Variants in RARB observed in about 807,000 individuals in gnomAD.
The protein encoded by RARB is retinoic acid receptor beta, also known as HBV-activated protein.
Under a neutral mutation model 51.9 loss-of-function variants are expected in RARB, and 17 were observed. The observed-to-expected ratio is 0.33, with a 90% confidence interval of 0.22 to 0.49. RARB has a LOEUF of 0.49. Among genes scored for constraint, RARB ranks in the 20% least tolerant of loss-of-function variants. The pLI is 0.99. For missense variants in RARB, 369 were observed against 550.8 expected (o/e 0.67, Z 3.30); for synonymous variants, 215 against 195.4 (o/e 1.10, Z -0.84).
At position 25,512,751 on chromosome 3, in the gene RARB, C is replaced by T. The variant is rs17590841; in HGVS notation, c.448+11428C>T. Reference sequence around the variant, plus strand: ...TGTGGGTCACTCTTGCCTCTCCATGCTATGAAGTGTTAGTGGCACCTCTAT... The same window carrying T: ...TGTGGGTCACTCTTGCCTCTCCATGTTATGAAGTGTTAGTGGCACCTCTAT... On this transcript the variant is annotated intron_variant, in intron 3 of 7. Transcript: ENST00000330688. Among the ~76,000 whole-genome samples, 1,260 of 152,296 alleles carry T rather than the reference C, an allele frequency of 8.3e-3. 3 individuals are homozygous for T. Among genetic ancestry groups the T allele is most frequent in the Non-Finnish European group, 0.011 (755 of 68,024 alleles).
intron 4 of RARB, among the ~76,000 whole-genome samples, chr3:25,141,737 T>C (rs959383947): frequency 2.6e-5 from 4 of 152,196 alleles, no homozygotes; most frequent in Admixed American, 6.5e-5. Context: ...CTTTCTACTT[T>C]TAGGAATCCT....
intron 5 of RARB, among the ~76,000 whole-genome samples, chr3:25,176,813 T>C (rs955507358): frequency 3.3e-5 from 5 of 152,210 alleles, no homozygotes; most frequent in Non-Finnish European, 7.3e-5. Flanking sequence ...TATTTCACAG[T>C]TACTAATAAA....
chr3:25,456,831 A>G (rs1004279799), intron 1 of RARB, among the ~76,000 whole-genome samples: 11 of 151,336 alleles, frequency 7.3e-5, no homozygotes, highest in African/African-American at 2.7e-4. Flanking sequence ...GTAGCATTCA[A>G]ATTATGTTCA....
intron 5 of RARB, among the ~76,000 whole-genome samples, chr3:25,376,696 G>A (rs1315042858): frequency 3.9e-5 from 6 of 152,132 alleles, no homozygotes; most frequent in African/African-American, 1.4e-4. Flanking sequence ...TTTCTCCCCA[G>A]GTCTACCTGT....
At chr3:25,146,240 C>G (rs1215127759) in intron 4 of RARB, among the ~76,000 whole-genome samples, 1 of 152,190 alleles carries the variant, frequency 6.6e-6, no homozygotes, top group African/African-American at 2.4e-5. Flanking sequence ...TATTTATCAA[C>G]TACTCTTGAT....
Position 24,947,917 on chromosome 3 carries a change from T to G in RARB, c.-380+89165T>G, listed in dbSNP as rs138404334. ...AGGTAGTTAAGAATAAGGCAAGGCT[T>G]GTAGTGCATGCTTAATGATGTTACC... On this transcript the variant is annotated intron_variant, in intron 2 of 11. Coordinates refer to the RARB transcript ENST00000383772. Among the ~76,000 whole-genome samples, 4 of 152,296 alleles carry G rather than the reference T, an allele frequency of 2.6e-5. No individual in the cohort carries two copies. The East Asian group carries it at 7.7e-4, about 29-fold the overall frequency.
At chr3:24,943,574 T>C (rs1242694476) in intron 2 of RARB, among the ~76,000 whole-genome samples, 1 of 152,220 alleles carries the variant, frequency 6.6e-6, no homozygotes, top group East Asian at 1.9e-4. Flanking sequence ...CTTGAGTTAG[T>C]GCTAGCAGAG....
At chr3:25,426,948 C>G (rs1394822549), upstream of RARB, among the ~76,000 whole-genome samples, 1 of 152,110 alleles carries the variant, frequency 6.6e-6, no homozygotes, top group Non-Finnish European at 1.5e-5. Flanking sequence ...AATCATTTTC[C>G]CTTAAAATTA....
At chr3:24,905,501 G>A (rs1694842336) in intron 2 of RARB, among the ~76,000 whole-genome samples, 1 of 152,194 alleles carries the variant, frequency 6.6e-6, no homozygotes, top group African/African-American at 2.4e-5. Context: ...CTCTACGGAT[G>A]TCCACATGAC....
At chr3:25,109,654 C>A (rs907724662) in intron 3 of RARB, among the ~76,000 whole-genome samples, 1 of 152,174 alleles carries the variant, frequency 6.6e-6, no homozygotes, top group African/African-American at 2.4e-5. Flanking sequence ...AGCTGGACAC[C>A]TATTGACTCT....
chr3:25,375,594 G>A (rs1706436674), intron 5 of RARB, among the ~76,000 whole-genome samples: 1 of 152,100 alleles, frequency 6.6e-6, no homozygotes, highest in South Asian at 2.1e-4. Context: ...AATATATATA[G>A]GTCAAACAGT....
intron 2 of RARB, among the ~76,000 whole-genome samples, chr3:24,913,109 C>T (rs1236544936): frequency 3.3e-5 from 5 of 150,346 alleles, no homozygotes; most frequent in South Asian, 2.1e-4. Context: ...GCCTCCTGAG[C>T]AGCTAGGACT....
At chr3:25,029,937 A>G (rs992608662) in intron 2 of RARB, among the ~76,000 whole-genome samples, 61 of 152,204 alleles carry the variant, frequency 4.0e-4, no homozygotes, top group African/African-American at 1.4e-3. Context: ...TGTATGAGAC[A>G]GGGCCACTGA....
intron 5 of RARB, among the ~76,000 whole-genome samples, chr3:25,383,425 G>A (rs1443610121): frequency 1.3e-5 from 2 of 152,160 alleles, no homozygotes; most frequent in Non-Finnish European, 2.9e-5. Flanking sequence ...GGCAGCCCCT[G>A]TATTGATAGC....
intron 2 of RARB, among the ~76,000 whole-genome samples, chr3:24,921,787 C>G (rs568833384): frequency 7.9e-5 from 12 of 152,292 alleles, no homozygotes; most frequent in Middle Eastern, 3.4e-3. Flanking sequence ...ATACAATAAT[C>G]TGTATAGAAT....
At chr3:25,084,651 T>C (rs955268479) in intron 3 of RARB, among the ~76,000 whole-genome samples, 1 of 152,072 alleles carries the variant, frequency 6.6e-6, no homozygotes, top group South Asian at 2.1e-4. Flanking sequence ...AGTTTTTCTT[T>C]TGGGATTTAG....
chr3:24,908,037 A>G (rs545725612), intron 2 of RARB, among the ~76,000 whole-genome samples: 11 of 152,198 alleles, frequency 7.2e-5, no homozygotes, highest in Non-Finnish European at 1.6e-4. Flanking sequence ...CATCCCAGAG[A>G]CGCTCAGGAT....
intron 1 of RARB, among the ~76,000 whole-genome samples, chr3:25,454,690 A>T (rs990465561): frequency 3.9e-5 from 6 of 152,126 alleles, no homozygotes; most frequent in Non-Finnish European, 7.4e-5. Context: ...ACAAAGAAAA[A>T]AAAAAAAGTA....
intron 2 of RARB, among the ~76,000 whole-genome samples, chr3:24,948,789 C>T (rs1320477826): frequency 6.6e-6 from 1 of 152,176 alleles, no homozygotes; most frequent in Admixed American, 6.5e-5. Flanking sequence ...GGACCTCCCC[C>T]TTCTCCCTCT....
Sources: gnomAD v4.1 joint callset for allele counts (sites outside exome capture counted in the v4.1 genomes callset) on GRCh38, gnomAD v4.1.1 for gene constraint, MANE v1.5 for transcripts, NCBI Gene and HGNC (gene_info 2026-07-23, HGNC 2026-07-21) for gene names.